Variants in ZNF415 observed in about 807,000 individuals in gnomAD.
ZNF415 encodes zinc finger protein 415.
Under a neutral mutation model 7.3 loss-of-function variants are expected in ZNF415, and 5 were observed. The ratio of observed to expected loss-of-function variants is 0.69; its 90% CI spans 0.36 to 1.44. ZNF415 has a LOEUF of 1.44. Among genes scored for constraint, ZNF415 ranks in the 40% most tolerant of loss-of-function variants. The pLI, the probability that ZNF415 is intolerant of heterozygous loss-of-function variation, is 0.04. For missense variants in ZNF415, 628 were observed against 664.8 expected (o/e 0.94, Z 0.61); for synonymous variants, 207 against 226.3 (o/e 0.91, Z 0.77).
At chr19:53,118,205 G>C (rs2087367339) in intron 2 of ZNF415, among the ~76,000 whole-genome samples, 1 of 151,900 alleles carries the variant, frequency 6.6e-6, no homozygotes, top group Non-Finnish European at 1.5e-5. Flanking sequence ...CAGTAAAAGA[G>C]ATGAAAAAGG....
intron 2 of ZNF415, among the ~76,000 whole-genome samples, chr19:53,121,741 T>C (rs1382581745): frequency 6.6e-6 from 1 of 152,066 alleles, no homozygotes; most frequent in Non-Finnish European, 1.5e-5. Context: ...CACTTTTATG[T>C]TGACTTTATG....
At chr19:53,110,184 A>C (rs779110184) in intron 3 of ZNF415, among the ~76,000 whole-genome samples, 1 of 152,190 alleles carries the variant, frequency 6.6e-6, no homozygotes, top group Non-Finnish European at 1.5e-5. Context: ...CCCTGAAAGG[A>C]GTATTTTTTC....
intron 1 of ZNF415, among the ~76,000 whole-genome samples, chr19:53,131,783 T>G (rs1275497790): frequency 6.6e-6 from 1 of 152,106 alleles, no homozygotes; most frequent in African/African-American, 2.4e-5. Flanking sequence ...TATTTCTGGC[T>G]CTTTCTTCCC....
chr19:53,111,718 A>G (rs2086272720), intron 3 of ZNF415, among the ~76,000 whole-genome samples: 1 of 152,186 alleles, frequency 6.6e-6, no homozygotes, highest in South Asian at 2.1e-4. Flanking sequence ...TCATCACAGA[A>G]GGCTGATCAA....
At chr19:53,124,494 C>T (rs576137775) in intron 1 of ZNF415, among the ~76,000 whole-genome samples, 1 of 152,260 alleles carries the variant, frequency 6.6e-6, no homozygotes, top group African/African-American at 2.4e-5. Flanking sequence ...AAGCCATTCC[C>T]AAGAGATCTG....
intron 2 of ZNF415, among the ~76,000 whole-genome samples, chr19:53,120,690 G>C (rs2087855606): frequency 6.6e-6 from 1 of 152,120 alleles, no homozygotes; most frequent in Non-Finnish European, 1.5e-5. Context: ...GTTCTGCTCT[G>C]ATGTCTGAGC....
intron 2 of ZNF415, among the ~76,000 whole-genome samples, chr19:53,118,203 G>A (rs949475628): frequency 1.3e-5 from 2 of 152,022 alleles, no homozygotes; most frequent in African/African-American, 4.8e-5. Context: ...AACAGTAAAA[G>A]AGATGAAAAA....
At chr19:53,121,855 T>C (rs567621292) in intron 2 of ZNF415, among the ~76,000 whole-genome samples, 4 of 152,314 alleles carry the variant, frequency 2.6e-5, no homozygotes, top group African/African-American at 9.6e-5. Context: ...AGAGACATAC[T>C]GATATACTAG....
chr19:53,126,759 T>C (rs2089207409), intron 1 of ZNF415, among the ~76,000 whole-genome samples: 1 of 117,464 alleles, frequency 8.5e-6, no homozygotes, highest in Non-Finnish European at 1.9e-5. Context: ...CACCCCATTC[T>C]ATTGCACAAA....
Position 53,109,313 on chromosome 19 carries a change from A to G in ZNF415, c.732T>C (p.Tyr244=). 1.9e-6 allele frequency: 3 copies of G among 1,614,166 alleles called. No individual in the cohort carries two copies. The highest frequency in any genetic ancestry group is 1.7e-6 in the Non-Finnish European group (2 of 1,180,030). Residue 244 remains tyrosine, a synonymous_variant, in exon 4 of 4, where the codon TAT becomes TAC. Coordinates refer to ENST00000243643, the MANE Select transcript of ZNF415 (RefSeq NM_018355.4). The stretch of plus-strand genomic sequence containing the variant: ...AGACCTTGCCACACAGATCACATTT[A>G]TATCCTTTCTCTCCAGAATGACTTA... ...RQVSHSGEKG[Y]KCDLCGKVFS...
At position 53,113,523 on chromosome 19, in the gene ZNF415, A is replaced by C. The variant is rs1285372045; in HGVS notation, c.136+2790T>G. Among the ~76,000 whole-genome samples the C allele has an allele frequency of 3.6e-4, 10 of 27,442 alleles. 4 individuals are homozygous for C. In the South Asian group the frequency reaches 0.01, roughly 27 times the overall value. The allele number at this position is 27,442 out of a possible 152,430, so 18.0% of individuals were successfully genotyped here. The stretch of plus-strand genomic sequence containing the variant: ...CTCCGTCTCAAAAAAAAAAAAAAAA[A>C]AAAAAAAAAAACCGAGGCATTACAG... On this transcript the variant is annotated intron_variant, in intron 3 of 3. Transcript: ENST00000243643.
At chr19:53,123,190 G>A (rs1199576678) in intron 1 of ZNF415, among the ~76,000 whole-genome samples, 2 of 152,122 alleles carry the variant, frequency 1.3e-5, no homozygotes, top group Non-Finnish European at 2.9e-5. Context: ...GGACAGGGAT[G>A]GGGGCACAAG....
intron 1 of ZNF415, among the ~76,000 whole-genome samples, chr19:53,128,834 C>T (rs1275494309): frequency 1.8e-5 from 2 of 108,332 alleles, no homozygotes; most frequent in African/African-American, 6.4e-5. Context: ...GAGTCTTCAG[C>T]CCAACCCCAG....
chr19:53,127,563 T>A lies in ZNF415; in HGVS notation c.-67-4820A>T, dbSNP rs143460117. On this transcript the variant is annotated intron_variant, in intron 1 of 3. Transcript: ENST00000243643. ...AGAAAACACTCCAAACTGTTATTTC[T>A]ATCTTTCAAAATGCATCTGAAAGCT... is the stretch of plus-strand genomic sequence containing the variant. Among the ~76,000 whole-genome samples, 277 of 152,328 alleles carry A rather than the reference T, an allele frequency of 1.8e-3. 1 individual carries two copies. Among genetic ancestry groups the A allele is most frequent in the Non-Finnish European group, 3.1e-3 (214 of 68,036 alleles).
chr19:53,120,070 A>G (rs1313237034), intron 2 of ZNF415, among the ~76,000 whole-genome samples: 1 of 148,282 alleles, frequency 6.7e-6, no homozygotes, highest in Non-Finnish European at 1.5e-5. Flanking sequence ...ACCAGAAAAG[A>G]AAAAAAAAAG....
At chr19:53,131,118 T>G (rs1188759802) in intron 1 of ZNF415, among the ~76,000 whole-genome samples, 1 of 147,472 alleles carries the variant, frequency 6.8e-6, no homozygotes, top group Non-Finnish European at 1.5e-5. Context: ...TTAGTGTTAG[T>G]GTACTTTATG....
At chr19:53,128,446 T>TC (rs2089568457) in intron 1 of ZNF415, among the ~76,000 whole-genome samples, 1 of 139,920 alleles carries the variant, frequency 7.1e-6, no homozygotes, top group Admixed American at 7.5e-5. Flanking sequence ...CCTGCCAAAT[T>TC]CCCCCGCTGT....
intron 3 of ZNF415, among the ~76,000 whole-genome samples, chr19:53,113,026 C>T (rs978577051): frequency 4.7e-5 from 7 of 150,106 alleles, no homozygotes; most frequent in African/African-American, 1.5e-4. Flanking sequence ...GTGGAGGTTG[C>T]GGTGAGCTGA....
At chr19:53,117,815 C>T (rs1330375897) in intron 2 of ZNF415, among the ~76,000 whole-genome samples, 4 of 152,094 alleles carry the variant, frequency 2.6e-5, no homozygotes, top group Non-Finnish European at 5.9e-5. Flanking sequence ...TTAGAGCAAA[C>T]ATGCAAGTAA....
Sources: allele counts gnomAD v4.1 joint callset (sites outside exome capture counted in the v4.1 genomes callset), GRCh38; gene constraint gnomAD v4.1.1; transcripts MANE v1.5; gene names NCBI Gene and HGNC (gene_info 2026-07-23, HGNC 2026-07-21).